Variants in IGF2BP2 observed in about 807,000 individuals in gnomAD.
IGF2BP2 encodes the protein insulin-like growth factor 2 mRNA-binding protein 2.
IGF2BP2 carries 17 observed loss-of-function variants against 75.8 expected under a neutral mutation model. The ratio of observed to expected loss-of-function variants is 0.22; its 90% CI spans 0.15 to 0.34. The LOEUF is 0.34. Among genes scored for constraint, IGF2BP2 ranks in the 10% least tolerant of loss-of-function variants. The pLI is 1.00. For missense variants in IGF2BP2, 516 were observed against 772.4 expected, an observed-to-expected ratio of 0.67 and a Z score of 3.93; for synonymous variants, 288 against 295.6, an observed-to-expected ratio of 0.97 and a Z score of 0.26.
intron 12 of IGF2BP2, among the ~76,000 whole-genome samples, chr3:185,656,876 G>GT (rs1390428577): frequency 2.0e-5 from 3 of 152,198 alleles, no homozygotes; most frequent in African/African-American, 7.2e-5. Context: ...TTTTCAAAGA[G>GT]TTTTTTATCC....
Position 185,689,448 on chromosome 3 carries a change from G to A in IGF2BP2, c.584C>T (p.Pro195Leu). 2.5e-6 allele frequency: 4 copies of A among 1,613,880 alleles called. No individual in the cohort carries two copies. The highest frequency in any genetic ancestry group is 3.4e-6 in the Non-Finnish European group (4 of 1,179,876). The change falls in exon 6 of 16, where the codon CCG (proline) becomes CTG (leucine). Residue 195 changes from proline to leucine, a missense_variant. Transcript: ENST00000382199. ...GTSQARQIDFPLRILVPTQFV... is the reference protein window; with the variant it reads ...GTSQARQIDFLLRILVPTQFV... ...CTGGGTGGGGACCAGGATCCGCAGCGGGAAATCAATCTGTCTGGCCTGAGA... is the reference window on the plus strand; with the variant it reads ...CTGGGTGGGGACCAGGATCCGCAGCAGGAAATCAATCTGTCTGGCCTGAGA...
intron 2 of IGF2BP2, among the ~76,000 whole-genome samples, chr3:185,786,815 A>C (rs1735958259): frequency 6.6e-6 from 1 of 152,218 alleles, no homozygotes; most frequent in African/African-American, 2.4e-5. Flanking sequence ...TGATCAAAAA[A>C]GATTAGATCT....
intron 2 of IGF2BP2, among the ~76,000 whole-genome samples, chr3:185,707,557 T>C (rs1251920733): frequency 6.6e-6 from 1 of 152,006 alleles, no homozygotes; most frequent in African/African-American, 2.4e-5. Context: ...TCCACCCTCC[T>C]TGGCTTCCCA....
intron 2 of IGF2BP2, among the ~76,000 whole-genome samples, chr3:185,793,095 G>C (rs1349609240): frequency 6.6e-6 from 1 of 152,166 alleles, no homozygotes; most frequent in Non-Finnish European, 1.5e-5. Context: ...GTTGGCTACT[G>C]ATTCTATTCT....
Position 185,675,875 on chromosome 3 carries a change from C to A in IGF2BP2, c.851G>T (p.Gly284Val), listed in dbSNP as rs1472681115. 6.2e-7 allele frequency: 1 copy of A among 1,614,042 alleles called. No homozygotes were observed. The highest frequency in any genetic ancestry group is 1.7e-5 in the Admixed American group (1 of 60,022). The change falls in exon 8 of 16, where the codon GGC becomes GTC. Residue 284 changes from glycine (G) to valine (V), a missense_variant. By Grantham distance (109) the Gly-to-Val change is moderately radical. Around this residue, in one of 3 missense-constraint regions of IGF2BP2, gnomAD observed 312 missense variants for 474.5 expected, o/e 0.66. Transcript: ENST00000382199. ...EIPLKILAHN[G>V]LVGRLIGKEG... ...TTTTCCAATCAGTCTTCCAACCAAG[C>A]CATTGTGTGCCAAGATTTTCAGAGG...
chr3:185,692,803 G>T, intron 4 of IGF2BP2, 41 bp from the exon 5 acceptor site: 4 of 1,583,560 alleles, frequency 2.5e-6, no homozygotes, highest in Non-Finnish European at 3.5e-6. Flanking sequence ...AGGAAAAAGT[G>T]CTGTCACCCT....
intron 10 of IGF2BP2, among the ~76,000 whole-genome samples, chr3:185,665,102 T>C (rs1177528995): frequency 2.1e-5 from 3 of 144,374 alleles, no homozygotes; most frequent in African/African-American, 7.8e-5. Context: ...GAGTTCGAGA[T>C]GGCAGTGAGC....
At chr3:185,777,761 G>T (rs1734700428) in intron 2 of IGF2BP2, among the ~76,000 whole-genome samples, 1 of 152,172 alleles carries the variant, frequency 6.6e-6, no homozygotes, top group Non-Finnish European at 1.5e-5. Flanking sequence ...CATCACAAGG[G>T]CTGGGCACAG....
At chr3:185,677,068 TAGAGAGAGAG>T (rs71164535) in intron 7 of IGF2BP2, among the ~76,000 whole-genome samples, 10 of 35,860 alleles carry the variant, frequency 2.8e-4, no homozygotes, top group East Asian at 6.9e-4. Flanking sequence ...TATATATATA[TAGAGAGAGAG>T]AGAGAGAGAG....
intron 15 of IGF2BP2, among the ~76,000 whole-genome samples, chr3:185,646,027 C>G (rs1190305305): frequency 6.6e-6 from 1 of 152,164 alleles, no homozygotes; most frequent in Non-Finnish European, 1.5e-5. Flanking sequence ...GAGGGAGGAA[C>G]TGAGCCCAGA....
chr3:185,684,397 C>CT (rs1357078069), intron 7 of IGF2BP2, among the ~76,000 whole-genome samples: 115 of 145,548 alleles, frequency 7.9e-4, no homozygotes, highest in Non-Finnish European at 8.4e-4. Flanking sequence ...TGTAGAATTT[C>CT]TTTTTTTTTT....
chr3:185,736,630 A>G (rs1235911662), intron 2 of IGF2BP2, among the ~76,000 whole-genome samples: 1 of 152,216 alleles, frequency 6.6e-6, no homozygotes, highest in East Asian at 1.9e-4. Flanking sequence ...ATAAGAGAAC[A>G]TCTCTGCATC....
intron 2 of IGF2BP2, among the ~76,000 whole-genome samples, chr3:185,820,521 T>G (rs576234631): frequency 8.1e-4 from 124 of 152,210 alleles, no homozygotes; most frequent in Non-Finnish European, 1.6e-3. Context: ...TAATTTGCAT[T>G]TAATAAGAAT....
At chr3:185,768,272 A>G (rs1448858830) in intron 2 of IGF2BP2, among the ~76,000 whole-genome samples, 1 of 152,248 alleles carries the variant, frequency 6.6e-6, no homozygotes, top group Non-Finnish European at 1.5e-5. Context: ...ATTGTTAATT[A>G]AAACATCCTC....
intron 2 of IGF2BP2, among the ~76,000 whole-genome samples, chr3:185,739,861 AC>A (rs1427124777): frequency 3.0e-5 from 1 of 33,522 alleles, no homozygotes; most frequent in African/African-American, 1.2e-4. Flanking sequence ...CACCCCCCCT[AC>A]CCCCCACCCC....
At chr3:185,664,891 T>C (rs1322953028) in intron 10 of IGF2BP2, among the ~76,000 whole-genome samples, 1 of 151,846 alleles carries the variant, frequency 6.6e-6, no homozygotes, top group African/African-American at 2.4e-5. Flanking sequence ...AGGAAAACAT[T>C]CTCCTGAGCC....
At chr3:185,813,084 A>G (rs905876855) in intron 2 of IGF2BP2, among the ~76,000 whole-genome samples, 4 of 152,246 alleles carry the variant, frequency 2.6e-5, no homozygotes, top group African/African-American at 9.6e-5. Context: ...TAATTATATT[A>G]GAACCAATCA....
chr3:185,687,527 G>A (rs1446391931), intron 6 of IGF2BP2, among the ~76,000 whole-genome samples: 1 of 152,232 alleles, frequency 6.6e-6, no homozygotes, highest in Non-Finnish European at 1.5e-5. Flanking sequence ...GAAGAGTAAA[G>A]TGAGAAGGAT....
At chr3:185,706,726 T>A (rs1250282619) in intron 2 of IGF2BP2, among the ~76,000 whole-genome samples, 2 of 151,846 alleles carry the variant, frequency 1.3e-5, no homozygotes, top group African/African-American at 4.8e-5. Flanking sequence ...TTATCAGATT[T>A]CTCAGAGATT....
Sources: gnomAD v4.1 joint callset for allele counts (sites outside exome capture counted in the v4.1 genomes callset) on GRCh38, gnomAD v4.1.1 for gene constraint, gnomAD v4.1.1 regional missense constraint, MANE v1.5 for transcripts, NCBI Gene and HGNC (gene_info 2026-07-23, HGNC 2026-07-21) for gene names.